Variants in SULF1 observed in about 807,000 individuals in gnomAD.
SULF1 encodes sulfatase 1.
In SULF1, 46 loss-of-function variants were observed where a neutral mutation model predicts 110.5. The observed-to-expected ratio is 0.42, with a 90% CI of 0.33 to 0.53. The LOEUF (loss-of-function observed/expected upper bound fraction) is 0.53, where lower values mean the gene tolerates loss of function less well. SULF1 is among the 20% of genes least tolerant of loss of function. The pLI, the probability that SULF1 is intolerant of heterozygous loss-of-function variation, is 0.12. For synonymous variants in SULF1, 371 were observed against 387.1 expected (o/e 0.96, Z 0.49); for missense variants, 941 against 1,094.2 (o/e 0.86, Z 1.98).
chr8:69,508,777 T>C (rs966539021), intron 3 of SULF1, among the ~76,000 whole-genome samples: 133 of 152,308 alleles, frequency 8.7e-4, no homozygotes, highest in African/African-American at 3.0e-3. Flanking sequence ...ATTAAATCCA[T>C]CCTGCCATAT....
chr8:69,586,505 A>T lies in SULF1; in HGVS notation c.561A>T (p.Ala187=). 1 of 1,609,122 alleles carries T rather than the reference A, an allele frequency of 6.2e-7. No individual in the cohort carries two copies. The part of the protein sequence containing the change: ...GIKEKHGFDY[A]KDYFTDLITN... ...AAGAAAAGCATGGATTTGATTATGC[A>T]AAGGTAATTTTCAGGCACTTTTACA... Residue 187 remains alanine, a synonymous_variant, in exon 7 of 23, where the codon GCA becomes GCT. Transcript: ENST00000402687.
At chr8:69,633,022 GAAA>G (rs111362479) in intron 19 of SULF1, among the ~76,000 whole-genome samples, 1 of 96,922 alleles carries the variant, frequency 1.0e-5, no homozygotes. Flanking sequence ...CATGTCAGAA[GAAA>G]AAAAAAAAAG....
At chr8:69,649,972 CTTTTTTTTTTTTTTTTTT>C (rs536073966) in intron 22 of SULF1, among the ~76,000 whole-genome samples, 226 of 30,564 alleles carry the variant, frequency 7.4e-3, no homozygotes, top group African/African-American at 0.024. Context: ...CTCCTGCTTG[CTTTTTTTTTTTTTTTTTT>C]TTTTTTTTTT....
intron 3 of SULF1, among the ~76,000 whole-genome samples, chr8:69,532,780 C>T (rs1157824823): frequency 6.6e-6 from 1 of 152,176 alleles, no homozygotes; most frequent in African/African-American, 2.4e-5. Context: ...TCTTGCAAAA[C>T]TGGAACTCCA....
At chr8:69,478,047 T>C (rs1809375305) in intron 1 of SULF1, among the ~76,000 whole-genome samples, 1 of 151,888 alleles carries the variant, frequency 6.6e-6, no homozygotes, top group African/African-American at 2.4e-5. Flanking sequence ...TAGAGATGGG[T>C]TCTCCCTATG....
At chr8:69,486,249 G>A (rs961419701) in intron 1 of SULF1, among the ~76,000 whole-genome samples, 4 of 152,002 alleles carry the variant, frequency 2.6e-5, no homozygotes, top group South Asian at 2.1e-4. Flanking sequence ...TGCAGGACAC[G>A]GCTATTTCCT....
intron 6 of SULF1, among the ~76,000 whole-genome samples, chr8:69,585,216 T>C (rs1186176221): frequency 6.6e-6 from 1 of 152,164 alleles, no homozygotes; most frequent in Non-Finnish European, 1.5e-5. Context: ...TACAGACATA[T>C]ATAAAATAAA....
At chr8:69,631,942 G>A (rs62512184) in intron 19 of SULF1, among the ~76,000 whole-genome samples, 10,969 of 152,224 alleles carry the variant, frequency 0.072, 478 homozygotes, top group African/African-American at 0.11. Context: ...TACTGTTTTT[G>A]CTTAACTGTT....
intron 3 of SULF1, among the ~76,000 whole-genome samples, chr8:69,542,238 G>A (rs535933115): frequency 6.6e-6 from 1 of 152,204 alleles, no homozygotes; most frequent in African/African-American, 2.4e-5. Flanking sequence ...ATATTGGGGA[G>A]GGCTTCACAG....
intron 3 of SULF1, among the ~76,000 whole-genome samples, chr8:69,553,322 C>T (rs757841107): frequency 1.1e-4 from 17 of 152,174 alleles, no homozygotes; most frequent in Non-Finnish European, 1.8e-4. Flanking sequence ...GAGGGCCAGA[C>T]GCATGTCAAA....
At chr8:69,585,077 G>A (rs1037013547) in intron 6 of SULF1, among the ~76,000 whole-genome samples, 1 of 152,202 alleles carries the variant, frequency 6.6e-6, no homozygotes, top group Non-Finnish European at 1.5e-5. Context: ...GACATGGAAG[G>A]CGTCTGGCAA....
intron 5 of SULF1, among the ~76,000 whole-genome samples, chr8:69,564,571 T>C (rs543428588): frequency 1.6e-4 from 24 of 152,358 alleles, no homozygotes; most frequent in African/African-American, 5.3e-4. Flanking sequence ...TTAGAGTGGA[T>C]TACTTATTCA....
At chr8:69,474,437 A>T (rs1809219039) in intron 1 of SULF1, among the ~76,000 whole-genome samples, 1 of 152,178 alleles carries the variant, frequency 6.6e-6, no homozygotes, top group African/African-American at 2.4e-5. Flanking sequence ...TCCTGAATAG[A>T]ATGTCCCTGT....
intron 14 of SULF1, among the ~76,000 whole-genome samples, chr8:69,621,689 G>A (rs892788656): frequency 6.6e-6 from 1 of 152,160 alleles, no homozygotes; most frequent in African/African-American, 2.4e-5. Flanking sequence ...ACTTTTTTAA[G>A]GCATATATTT....
chr8:69,502,904 C>G (rs1810917393), intron 3 of SULF1, among the ~76,000 whole-genome samples: 1 of 151,990 alleles, frequency 6.6e-6, no homozygotes, highest in African/African-American at 2.4e-5. Context: ...CCAGGCTGGT[C>G]TTGAACTCCT....
At chr8:69,568,181 T>G (rs1804937337) in intron 5 of SULF1, among the ~76,000 whole-genome samples, 1 of 152,226 alleles carries the variant, frequency 6.6e-6, no homozygotes, top group Admixed American at 6.5e-5. Context: ...TGTAGGCAAT[T>G]TTGGCTACTG....
intron 7 of SULF1, among the ~76,000 whole-genome samples, chr8:69,588,466 C>A (rs745340969): frequency 6.6e-6 from 1 of 152,006 alleles, no homozygotes; most frequent in African/African-American, 2.4e-5. Context: ...AAGAAAATAT[C>A]TTTTCTTGTG....
At chr8:69,590,694 T>A (rs1003655250) in intron 8 of SULF1, among the ~76,000 whole-genome samples, 2 of 152,114 alleles carry the variant, frequency 1.3e-5, no homozygotes, top group African/African-American at 4.8e-5. Context: ...CATCGACAAA[T>A]CATGAAGGTT....
At chr8:69,475,072 G>T (rs1437242805) in intron 1 of SULF1, among the ~76,000 whole-genome samples, 1 of 152,044 alleles carries the variant, frequency 6.6e-6, no homozygotes, top group East Asian at 1.9e-4. Context: ...GCAAAGAAGA[G>T]AAAGAGGAAG....
Sources: allele counts gnomAD v4.1 joint callset (sites outside exome capture counted in the v4.1 genomes callset), GRCh38; gene constraint gnomAD v4.1.1; transcripts MANE v1.5; gene names NCBI Gene and HGNC (gene_info 2026-07-23, HGNC 2026-07-21).